The following NRK variants were observed in gnomAD, a reference collection of about 807,000 sequenced individuals.
NRK encodes nik-related protein kinase.
A neutral mutation model predicts 125.2 loss-of-function variants in NRK; 67 were observed. That is an observed-to-expected ratio of 0.54 (90% CI 0.44 to 0.66). NRK has a LOEUF of 0.66. Ranked by LOEUF, NRK falls within the 30% of genes least tolerant of loss-of-function variation. The probability of loss-of-function intolerance (pLI) is 0.00; values close to 1 mark genes in which losing one functional copy is unlikely to be tolerated. For synonymous variants in NRK, 458 were observed against 429.0 expected (o/e 1.07, Z -0.84); for missense variants, 1,224 against 1,192.9 (o/e 1.03, Z -0.38).
chrX:105,919,578 A>G (rs1215645621), intron 16 of NRK, among the ~76,000 whole-genome samples: 1 of 111,889 alleles, frequency 8.9e-6, no homozygotes. Flanking sequence ...TGGACAGTTC[A>G]GATACAGAAG....
At chrX:105,928,766 T>A in intron 19 of NRK, among the ~76,000 whole-genome samples, 1 of 111,807 alleles carries the variant, frequency 8.9e-6, no homozygotes, top group Non-Finnish European at 1.9e-5. Context: ...CATATATTTT[T>A]AATTTCCATA....
In NRK at chrX:105,895,724, GCTT is replaced by G. The variant is rs769770801; in HGVS notation, c.580+205_580+207del. ...CAAAAGAAAGAGGATGCACATACCT[GCTT>G]CTTTGAAATCATGTAGATAAAACAA... On this transcript the variant is annotated intron_variant, in intron 7 of 28. Transcript: ENST00000243300. Among the ~76,000 whole-genome samples the G allele has an allele frequency of 8.1e-5, 9 of 111,381 alleles. No individual in the cohort carries two copies. The South Asian group carries it at 2.7e-3, about 33-fold the overall frequency.
chrX:105,871,871 G>T (rs894527747), intron 2 of NRK, among the ~76,000 whole-genome samples: 1 of 111,701 alleles, frequency 9.0e-6, no homozygotes, highest in Admixed American at 9.5e-5. Context: ...TATTTATAAA[G>T]TCTAGTAATA....
chrX:105,920,291 C>T (rs2040423097), intron 16 of NRK, among the ~76,000 whole-genome samples: 1 of 108,005 alleles, frequency 9.3e-6, no homozygotes. Flanking sequence ...GTTTTGGTTA[C>T]TGTAGCCTTG....
At chrX:105,903,162 A>G (rs980062520) in intron 9 of NRK, among the ~76,000 whole-genome samples, 5 of 111,628 alleles carry the variant, frequency 4.5e-5, no homozygotes, top group Admixed American at 1.9e-4. Flanking sequence ...GATAGGATCA[A>G]TAGTTAAGCC....
chrX:105,924,637 A>T (rs910380389), intron 18 of NRK, 58 bp from the exon 19 acceptor site: 3 of 991,514 alleles, frequency 3.0e-6, no homozygotes, highest in Non-Finnish European at 4.2e-6. Context: ...GTACTTGCTA[A>T]CTTTCAAATG....
intron 1 of NRK, among the ~76,000 whole-genome samples, chrX:105,825,229 T>C (rs963174730): frequency 2.7e-5 from 3 of 112,180 alleles, no homozygotes; most frequent in African/African-American, 9.7e-5. Context: ...ATCACTTGTG[T>C]TGAAGTTTGC....
intron 1 of NRK, among the ~76,000 whole-genome samples, chrX:105,826,401 A>AT (rs773137605): frequency 1.3e-5 from 1 of 77,849 alleles, no homozygotes; most frequent in African/African-American, 4.9e-5. Flanking sequence ...ATATATATAT[A>AT]ATATATATAT....
At chrX:105,893,811 A>G in intron 5 of NRK, 21 bp from the exon 6 acceptor site, 1 of 1,029,048 alleles carries the variant, frequency 9.7e-7, no homozygotes, top group East Asian at 3.0e-5. Flanking sequence ...AATTTTTTAT[A>G]CTTTGCTGGC....
At chrX:105,897,338 A>T (rs754625570) in intron 7 of NRK, among the ~76,000 whole-genome samples, 1 of 112,660 alleles carries the variant, frequency 8.9e-6, no homozygotes, top group East Asian at 2.8e-4. Context: ...AAACCTAATG[A>T]CAGCCAAAGG....
In NRK at chrX:105,919,002, GAAA is replaced by G. The variant is rs57376881; in HGVS notation, c.2512+1350_2512+1352del. ...AAGACTTAAAAGAAAATGGTTTCCT[GAAA>G]AAAAAAAAAAAAAAAAAAAGCACAA... is the stretch of plus-strand genomic sequence containing the variant. On this transcript the variant is annotated intron_variant, in intron 16 of 28. Transcript: ENST00000243300. Among the ~76,000 whole-genome samples the G allele has an allele frequency of 5.1e-4, 20 of 39,477 alleles. 1 individual carries two copies. Among genetic ancestry groups the G allele is most frequent in the African/African-American group, 1.4e-3 (16 of 11,163 alleles). The allele number at this position is 39,477 out of a possible 115,157, so 34.3% of individuals were successfully genotyped here.
At chrX:105,909,960 G>A in intron 13 of NRK, 78 bp downstream of exon 13, 1 of 809,042 alleles carries the variant, frequency 1.2e-6, no homozygotes, top group Non-Finnish European at 1.7e-6. Context: ...TTTTTTCTCA[G>A]TAAAACCAAA....
At chrX:105,853,317 C>T (rs1602609660) in intron 2 of NRK, among the ~76,000 whole-genome samples, 1 of 111,802 alleles carries the variant, frequency 8.9e-6, no homozygotes, top group Non-Finnish European at 1.9e-5. Flanking sequence ...TTAGGTATTT[C>T]CGATGCATGC....
intron 1 of NRK, among the ~76,000 whole-genome samples, chrX:105,826,391 A>G: frequency 1.4e-5 from 1 of 70,983 alleles, no homozygotes; most frequent in South Asian, 6.0e-4. Context: ...CATATATATA[A>G]TATATATATA....
upstream of NRK, among the ~76,000 whole-genome samples, chrX:105,822,180 G>T (rs1569283004): frequency 8.9e-6 from 1 of 112,231 alleles, no homozygotes; most frequent in African/African-American, 3.2e-5. Context: ...CTGTGGCAGG[G>T]CTGTGGGGCC....
chrX:105,859,543 G>C lies in NRK; in HGVS notation c.124-20656G>C, dbSNP rs1000925903. ...ATTTTATGATTCATAACCCAAAAAG[G>C]GTGTGTTTAACATAATATGCTGCTT... On this transcript the variant is annotated intron_variant, in intron 2 of 28. Coordinates refer to ENST00000243300, the MANE Select transcript of NRK (RefSeq NM_198465.4). Among the ~76,000 whole-genome samples the C allele has an allele frequency of 3.8e-4, 43 of 111,733 alleles. No homozygotes were observed. The Admixed American group carries it at 4.0e-3, about 10-fold the overall frequency.
chrX:105,883,609 G>T (rs773920244), intron 4 of NRK, among the ~76,000 whole-genome samples: 1 of 111,915 alleles, frequency 8.9e-6, no homozygotes, highest in South Asian at 3.7e-4. Flanking sequence ...TAGCTGCCCA[G>T]AGCCCAGCGC....
intron 2 of NRK, among the ~76,000 whole-genome samples, chrX:105,873,468 T>C: frequency 9.0e-6 from 1 of 111,503 alleles, no homozygotes; most frequent in South Asian, 3.8e-4. Context: ...CATCAGACCA[T>C]TAAATAACAA....
At position 105,857,470 on chromosome X, in the gene NRK, G is replaced by A. The variant is rs988007730; in HGVS notation, c.124-22729G>A. ...TAACGATCCCAAGAATCTAAGATGC[G>A]AAACTGAATTCAGTTGAATAATAAA... On this transcript the variant is annotated intron_variant, in intron 2 of 28. Transcript: ENST00000243300. Among the ~76,000 whole-genome samples the A allele has an allele frequency of 2.3e-4, 26 of 112,026 alleles. 1 individual carries two copies. The highest frequency in any genetic ancestry group is 2.9e-4 in the Admixed American group (3 of 10,509).
Sources: allele counts gnomAD v4.1 joint callset (sites outside exome capture counted in the v4.1 genomes callset), GRCh38; gene constraint gnomAD v4.1.1; transcripts MANE v1.5; gene names NCBI Gene and HGNC (gene_info 2026-07-23, HGNC 2026-07-21).